Variants in DYNC1I2 observed in about 807,000 individuals in gnomAD.
DYNC1I2 encodes dynein cytoplasmic 1 intermediate chain 2, also known as cytoplasmic dynein 1 intermediate chain 2.
Under a neutral mutation model 88.6 loss-of-function variants are expected in DYNC1I2, and 53 were observed. The observed-to-expected ratio is 0.60, with a 90% CI of 0.48 to 0.75. The LOEUF (loss-of-function observed/expected upper bound fraction) is 0.75, where lower values mean the gene tolerates loss of function less well. Among genes scored for constraint, DYNC1I2 ranks in the 30% least tolerant of loss-of-function variants. DYNC1I2 has a pLI of 0.00. For missense variants in DYNC1I2, 458 were observed against 766.6 expected, an observed-to-expected ratio of 0.60 and a Z score of 4.75; for synonymous variants, 198 against 254.6, an observed-to-expected ratio of 0.78 and a Z score of 2.12.
intron 1 of DYNC1I2, among the ~76,000 whole-genome samples, chr2:171,689,270 C>T (rs1339348884): frequency 6.6e-6 from 1 of 152,102 alleles, no homozygotes; most frequent in Non-Finnish European, 1.5e-5. Flanking sequence ...ACTAAAAGTG[C>T]CATCAGAGGT....
At chr2:171,745,636 C>A (rs1689726413) in intron 16 of DYNC1I2, among the ~76,000 whole-genome samples, 166 bp from the exon 17 acceptor site, 1 of 152,170 alleles carries the variant, frequency 6.6e-6, no homozygotes, top group South Asian at 2.1e-4. Flanking sequence ...ACTATAATGT[C>A]ATTCATAATA....
At chr2:171,700,732 C>T (rs1686189629) in intron 3 of DYNC1I2, among the ~76,000 whole-genome samples, 1 of 152,022 alleles carries the variant, frequency 6.6e-6, no homozygotes. Flanking sequence ...CCTGGGTTCC[C>T]GCCATTCTCC....
chr2:171,740,734 C>CT lies in DYNC1I2; in HGVS notation c.1537-3305dup, dbSNP rs748256233. On this transcript the variant is annotated intron_variant, in intron 15 of 17. Coordinates refer to ENST00000397119, the MANE Select transcript of DYNC1I2 (RefSeq NM_001378.3). ...GTACTTTTGCTGATCTTCTTTATCA[C>CT]TTTTTTTTTTAGATCACCTTATCTC... 1.4e-3 allele frequency among the ~76,000 whole-genome samples: 209 copies of CT among 148,274 alleles called. 1 individual carries two copies. Among genetic ancestry groups the CT allele is most frequent in the Non-Finnish European group, 2.5e-3 (170 of 66,742 alleles).
At position 171,726,262 on chromosome 2, in the gene DYNC1I2, G is replaced by C; in HGVS notation, c.839G>C (p.Arg280Pro). The C allele has an allele frequency of 6.2e-7, 1 of 1,611,736 alleles. No individual in the cohort carries two copies. Among genetic ancestry groups the C allele is most frequent in the Non-Finnish European group, 8.5e-7 (1 of 1,179,256 alleles). Residue 280 changes from arginine to proline, a missense_variant, in exon 10 of 18, where the codon CGG (arginine) becomes CCG (proline). Around this residue, in one of 5 missense-constraint regions of DYNC1I2, gnomAD observed 203 missense variants for 354.2 expected, o/e 0.57. Transcript: ENST00000397119. ...QFFDERWSKH[R>P]VVSCLDWSSQ... Reference sequence around the variant, plus strand: ...TTTGACGAACGTTGGTCAAAGCATCGGGTGGTTAGTTGTTTGGATTGGTCA... The same window carrying C: ...TTTGACGAACGTTGGTCAAAGCATCCGGTGGTTAGTTGTTTGGATTGGTCA...
rs181361159 is a variant in DYNC1I2 at position 171,749,658 on chromosome 2, G to T, written c.*1769G>T. 1.2e-4 allele frequency among the ~76,000 whole-genome samples: 18 copies of T among 152,228 alleles called. No homozygotes were observed. The highest frequency in any genetic ancestry group is 4.1e-4 in the African/African-American group (17 of 41,558). On this transcript the variant is annotated 3_prime_UTR_variant, in exon 18 of 18. Coordinates refer to ENST00000397119, the MANE Select transcript of DYNC1I2 (RefSeq NM_001378.3). ...AAATCACATGTTCCTCAGCCTCAAG[G>T]TGTGTTTAGTTGTGAAAGAAAGAAT...
At chr2:171,722,301 G>A (rs1687952465) in intron 7 of DYNC1I2, among the ~76,000 whole-genome samples, 4 of 152,084 alleles carry the variant, frequency 2.6e-5, no homozygotes, top group African/African-American at 9.7e-5. Flanking sequence ...AAATTCAGTG[G>A]TTCATTAAAC....
chr2:171,733,948 T>C (rs757245608), intron 15 of DYNC1I2, among the ~76,000 whole-genome samples: 2 of 152,156 alleles, frequency 1.3e-5, no homozygotes, highest in South Asian at 2.1e-4. Flanking sequence ...TTTAAGTCTT[T>C]AATCCATCTT....
In DYNC1I2 at chr2:171,745,792, A is replaced by C. The variant is rs1689738355; in HGVS notation, c.1678-10A>C. On this transcript the variant is annotated splice_polypyrimidine_tract_variant and intron_variant, in intron 16 of 17. Coordinates refer to ENST00000397119, the MANE Select transcript of DYNC1I2 (RefSeq NM_001378.3). The stretch of plus-strand genomic sequence containing the variant: ...CTTTTAACACTGTCCTTTATTTTAA[A>C]TGACTTTAGGTACCAACTGCCAGCA... 1 of 1,611,686 alleles carries C rather than the reference A, an allele frequency of 6.2e-7. No homozygotes were observed. Among genetic ancestry groups the C allele is most frequent in the Admixed American group, 1.7e-5 (1 of 59,696 alleles).
intron 5 of DYNC1I2, among the ~76,000 whole-genome samples, chr2:171,709,981 T>G (rs1686984526): frequency 6.6e-6 from 1 of 152,182 alleles, no homozygotes; most frequent in Non-Finnish European, 1.5e-5. Flanking sequence ...CCTCCCAAAG[T>G]GCTGGGGTAG....
chr2:171,695,482 A>G (rs1178414655), intron 3 of DYNC1I2, among the ~76,000 whole-genome samples: 1 of 152,178 alleles, frequency 6.6e-6, no homozygotes, highest in Admixed American at 6.5e-5. Flanking sequence ...TATACTTTAT[A>G]TATATAAATG....
intron 3 of DYNC1I2, among the ~76,000 whole-genome samples, chr2:171,699,044 C>T (rs1372259485): frequency 6.6e-6 from 1 of 152,058 alleles, no homozygotes; most frequent in Non-Finnish European, 1.5e-5. Context: ...CATGATGGCT[C>T]ACGCCTGTAA....
At position 171,726,175 on chromosome 2, in the gene DYNC1I2, G is replaced by C. The variant is rs762889443; in HGVS notation, c.771-19G>C. Reference sequence around the variant, plus strand: ...AGTTATAACACCATCTTTTTGGGGGGTTTGGTCTTTTTTTGTAGAGAGATT... The same window carrying C: ...AGTTATAACACCATCTTTTTGGGGGCTTTGGTCTTTTTTTGTAGAGAGATT... On this transcript the variant is annotated intron_variant, in intron 9 of 17. Coordinates refer to ENST00000397119, the MANE Select transcript of DYNC1I2 (RefSeq NM_001378.3). The C allele has an allele frequency of 1.4e-5, 23 of 1,597,306 alleles. No homozygotes were observed. The African/African-American group carries it at 3.0e-4, about 21-fold the overall frequency.
intron 5 of DYNC1I2, among the ~76,000 whole-genome samples, chr2:171,709,812 C>T (rs747735242): frequency 1.3e-5 from 2 of 151,940 alleles, no homozygotes; most frequent in South Asian, 2.1e-4. Flanking sequence ...CCACCTCCCA[C>T]GTTCAAGCGA....
chr2:171,735,861 T>G (rs924569270), intron 15 of DYNC1I2, among the ~76,000 whole-genome samples: 2 of 152,240 alleles, frequency 1.3e-5, no homozygotes, highest in African/African-American at 4.8e-5. Flanking sequence ...AATTATTTAC[T>G]TGGGACAAGA....
intron 8 of DYNC1I2, 88 bp downstream of exon 8, chr2:171,725,801 A>G: frequency 7.8e-7 from 1 of 1,278,082 alleles, no homozygotes; most frequent in Middle Eastern, 1.9e-4. Flanking sequence ...GAAATGCTGT[A>G]AATCAAATAA....
intron 15 of DYNC1I2, among the ~76,000 whole-genome samples, chr2:171,739,697 T>TC (rs1491211926): frequency 0.026 from 514 of 19,768 alleles, 9 homozygotes; most frequent in African/African-American, 0.052. Context: ...GACATATCTC[T>TC]TTTTTTTTTT....
At chr2:171,726,154 AT>A (rs1688237875) in intron 9 of DYNC1I2, 39 bp from the exon 10 acceptor site, 4 of 1,585,122 alleles carry the variant, frequency 2.5e-6, no homozygotes, top group Non-Finnish European at 3.4e-6. Context: ...GATAAAAGTT[AT>A]AACACCATCT....
chr2:171,700,867 G>C (rs1019747506), intron 3 of DYNC1I2, among the ~76,000 whole-genome samples: 1 of 152,034 alleles, frequency 6.6e-6, no homozygotes, highest in East Asian at 1.9e-4. Context: ...TCCTGACCTC[G>C]TGATCCACCC....
At chr2:171,717,272 C>T (rs956765012) in intron 7 of DYNC1I2, among the ~76,000 whole-genome samples, 3 of 151,702 alleles carry the variant, frequency 2.0e-5, no homozygotes, top group Non-Finnish European at 1.5e-5. Flanking sequence ...TGCCACCACG[C>T]CCGGCTAATT....
Sources: gnomAD v4.1 joint callset for allele counts (sites outside exome capture counted in the v4.1 genomes callset) on GRCh38, gnomAD v4.1.1 for gene constraint, gnomAD v4.1.1 regional missense constraint, MANE v1.5 for transcripts, NCBI Gene and HGNC (gene_info 2026-07-23, HGNC 2026-07-21) for gene names.